Variants in PKD1L1 observed in about 807,000 individuals in gnomAD.
PKD1L1 encodes polycystin 1 like 1, transient receptor potential channel interacting.
Under a neutral mutation model 323.4 loss-of-function variants are expected in PKD1L1, and 236 were observed. The ratio of observed to expected loss-of-function variants is 0.73; its 90% CI spans 0.66 to 0.81. The LOEUF (loss-of-function observed/expected upper bound fraction) is 0.81, where lower values mean the gene tolerates loss of function less well. Among genes scored for constraint, PKD1L1 ranks in the 40% least tolerant of loss-of-function variants. The pLI is 0.00. For missense variants in PKD1L1, 3,320 were observed against 3,508.0 expected (o/e 0.95, Z 1.35); for synonymous variants, 1,344 against 1,335.0 (o/e 1.01, Z -0.15).
chr7:47,834,425 G>C, intron 39 of PKD1L1, 40 bp from the exon 40 acceptor site: 1 of 1,551,996 alleles, frequency 6.4e-7, no homozygotes, highest in Admixed American at 1.7e-5. Flanking sequence ...CGATGCTTTG[G>C]GGTGATACAT....
Position 47,946,119 on chromosome 7 carries a change from T to G in PKD1L1, c.44+2278A>C, listed in dbSNP as rs1401627231. On this transcript the variant is annotated intron_variant, in intron 1 of 56. Coordinates refer to ENST00000289672, the MANE Select transcript of PKD1L1 (RefSeq NM_138295.5). This position sits in a 1 kb window ranked among gnomAD's most constrained non-coding sequence, Gnocchi z 4.1. ...AGGCCCTGGCACAGAATCAGCACCATTTTCACAGAGGTACCTGGCTTCCTC... is the reference window on the plus strand; with the variant it reads ...AGGCCCTGGCACAGAATCAGCACCAGTTTCACAGAGGTACCTGGCTTCCTC... 1.3e-5 allele frequency among the ~76,000 whole-genome samples: 2 copies of G among 152,120 alleles called. No homozygotes were observed. The highest frequency in any genetic ancestry group is 2.9e-5 in the Non-Finnish European group (2 of 68,028).
intron 33 of PKD1L1, among the ~76,000 whole-genome samples, chr7:47,843,768 G>A (rs936465980): frequency 2.6e-5 from 4 of 152,162 alleles, no homozygotes; most frequent in African/African-American, 9.7e-5. Context: ...TCAAGCTGCT[G>A]TGCAGGGACT....
chr7:47,787,734 C>T (rs1786840830), intron 56 of PKD1L1, among the ~76,000 whole-genome samples: 2 of 152,102 alleles, frequency 1.3e-5, no homozygotes, highest in Admixed American at 1.3e-4. Context: ...CTTTTTGAGA[C>T]AGGTTTTCAC....
At chr7:47,791,528 T>C (rs930295164) in intron 56 of PKD1L1, among the ~76,000 whole-genome samples, 3 of 152,174 alleles carry the variant, frequency 2.0e-5, no homozygotes, top group Non-Finnish European at 4.4e-5. Context: ...TTTTTACCTG[T>C]TGATGGCAAT....
At chr7:47,935,648 T>C (rs531042637) in intron 4 of PKD1L1, among the ~76,000 whole-genome samples, 1 of 152,348 alleles carries the variant, frequency 6.6e-6, no homozygotes, top group Admixed American at 6.5e-5. Flanking sequence ...ACCTAGGGGC[T>C]GAATCATGTG....
chr7:47,834,749 GA>G (rs952748561), intron 39 of PKD1L1, among the ~76,000 whole-genome samples: 1 of 151,376 alleles, frequency 6.6e-6, no homozygotes, highest in African/African-American at 2.4e-5. Flanking sequence ...ATGTCCCTCA[GA>G]AAAAAAAGGA....
At chr7:47,949,368 C>CAAAAAAAAAAAAAAAAA (rs58131581), upstream of PKD1L1, among the ~76,000 whole-genome samples, 30 of 57,134 alleles carry the variant, frequency 5.3e-4, 4 homozygotes, top group African/African-American at 1.7e-3. Flanking sequence ...GGCTCTGTCT[C>CAAAAAAAAAAAAAAAAA]AAAAAAAAAA....
chr7:47,891,682 G>A (rs1212826626), intron 15 of PKD1L1, among the ~76,000 whole-genome samples: 1 of 152,264 alleles, frequency 6.6e-6, no homozygotes, highest in East Asian at 1.9e-4. Flanking sequence ...AGGCTGTGCA[G>A]AGCAACTGCC....
chr7:47,831,824 C>G (rs1358144510), intron 41 of PKD1L1, among the ~76,000 whole-genome samples: 1 of 152,202 alleles, frequency 6.6e-6, no homozygotes, highest in African/African-American at 2.4e-5. Context: ...ATTTCAGACC[C>G]CAAACAACTA....
intron 4 of PKD1L1, among the ~76,000 whole-genome samples, chr7:47,936,413 T>G (rs1225753819): frequency 2.0e-5 from 3 of 152,190 alleles, no homozygotes; most frequent in African/African-American, 7.2e-5. Context: ...TAAGTAGAAT[T>G]ATAAAGGATG....
chr7:47,854,847 C>A (rs1486856570), intron 30 of PKD1L1, 35 bp downstream of exon 30: 2 of 1,604,770 alleles, frequency 1.2e-6, no homozygotes, highest in Admixed American at 1.7e-5. Context: ...ATATGTCTTA[C>A]TCCAATCTCA....
intron 45 of PKD1L1, among the ~76,000 whole-genome samples, chr7:47,822,103 C>T (rs906566399): frequency 6.6e-6 from 1 of 152,148 alleles, no homozygotes; most frequent in African/African-American, 2.4e-5. Context: ...CTATTCTGTT[C>T]CATTGATTTG....
At chr7:47,838,392 G>A (rs1785500154) in intron 36 of PKD1L1, among the ~76,000 whole-genome samples, 1 of 152,202 alleles carries the variant, frequency 6.6e-6, no homozygotes, top group Admixed American at 6.5e-5. Flanking sequence ...CCCAGCTTCA[G>A]GAAGTACTCA....
chr7:47,919,647 A>G (rs1406251852), intron 7 of PKD1L1, among the ~76,000 whole-genome samples: 1 of 152,210 alleles, frequency 6.6e-6, no homozygotes, highest in Non-Finnish European at 1.5e-5. Flanking sequence ...CGAATCCAAC[A>G]TATCAAAAAG....
chr7:47,779,437 A>G (rs759914383), intron 56 of PKD1L1, among the ~76,000 whole-genome samples: 1 of 152,198 alleles, frequency 6.6e-6, no homozygotes, highest in Non-Finnish European at 1.5e-5. Context: ...AGCCAACTCA[A>G]TGATACCACC....
intron 8 of PKD1L1, 107 bp downstream of exon 8, chr7:47,915,325 T>TAGCC: frequency 2.9e-6 from 2 of 685,076 alleles, no homozygotes; most frequent in Non-Finnish European, 5.4e-6. Context: ...ATAGAGTGTA[T>TAGCC]AGCCAATCAC....
In PKD1L1 at chr7:47,840,694, G is replaced by A. The variant is rs1028766259; in HGVS notation, c.5446-127C>T. ...TCCTCAAAACCATCTGCACGGTGGA[G>A]TGCCACAGCCTAGAGCCAGGGGATG... On this transcript the variant is annotated intron_variant, in intron 34 of 56. Transcript: ENST00000289672. The surrounding 1 kb of genome is among the most constrained non-coding windows in gnomAD (Gnocchi z 4.1). 5 of 699,336 alleles carry A rather than the reference G, an allele frequency of 7.1e-6. No homozygotes were observed. In the African/African-American group the frequency reaches 8.8e-5, roughly 12 times the overall value. 43.3% of individuals were successfully genotyped at this position (699,336 alleles called of 1,614,324 possible).
Position 47,800,876 on chromosome 7 carries a change from C to G in PKD1L1, c.7966G>C (p.Val2656Leu). ...SLPSIFVAGL[V>L]GALMLAALSH... Reference sequence around the variant, plus strand: ...AGGGCGGCCAGCATCAGTGCCCCCACCAGCTGCAGAAAGAAAATCCAGAGA... The same window carrying G: ...AGGGCGGCCAGCATCAGTGCCCCCAGCAGCTGCAGAAAGAAAATCCAGAGA... Residue 2656 changes from valine to leucine, a missense_variant, in exon 54 of 57, where the codon GTG becomes CTG. Val to Leu is a conservative substitution (Grantham distance 32, BLOSUM62 1). Coordinates refer to ENST00000289672, the MANE Select transcript of PKD1L1 (RefSeq NM_138295.5). 1 of 1,613,518 alleles carries G rather than the reference C, an allele frequency of 6.2e-7. No homozygotes were observed. The highest frequency in any genetic ancestry group is 1.1e-5 in the South Asian group (1 of 91,058).
At chr7:47,804,489 T>TTGA (rs1562937758) in intron 52 of PKD1L1, among the ~76,000 whole-genome samples, 1 of 140,880 alleles carries the variant, frequency 7.1e-6, no homozygotes, top group Non-Finnish European at 1.5e-5. Flanking sequence ...TTTTTTTTTT[T>TTGA]GAGAGAGAGT....
Sources: allele counts gnomAD v4.1 joint callset (sites outside exome capture counted in the v4.1 genomes callset), GRCh38; gene constraint gnomAD v4.1.1; non-coding constraint Gnocchi (gnomAD v3.1); transcripts MANE v1.5; gene names NCBI Gene and HGNC (gene_info 2026-07-23, HGNC 2026-07-21).